Variants in PKIA observed in about 807,000 individuals in gnomAD.
PKIA encodes the protein cAMP-dependent protein kinase inhibitor alpha.
Under a neutral mutation model 7.6 loss-of-function variants are expected in PKIA, and 4 were observed. That is an observed-to-expected ratio of 0.52 (90% CI 0.26 to 1.20). The LOEUF (loss-of-function observed/expected upper bound fraction) is 1.20. Ranked by LOEUF, PKIA falls within the 50% of genes most tolerant of loss-of-function variation. The pLI is 0.13. For synonymous variants in PKIA, 21 were observed against 30.7 expected (o/e 0.68, Z 1.04); for missense variants, 73 against 86.2 (o/e 0.85, Z 0.61).
chr8:78,562,339 G>A (rs1173537792), intron 1 of PKIA, among the ~76,000 whole-genome samples: 2 of 152,054 alleles, frequency 1.3e-5, no homozygotes, highest in African/African-American at 4.8e-5. Context: ...TAGAGTCACA[G>A]CTATTTTATT....
At chr8:78,541,742 C>G (rs561894676) in intron 1 of PKIA, among the ~76,000 whole-genome samples, 2 of 151,660 alleles carry the variant, frequency 1.3e-5, no homozygotes, top group East Asian at 3.9e-4. Flanking sequence ...ATGCTCCTAA[C>G]AAAACAGCCC....
In PKIA at chr8:78,570,203, G is replaced by A. The variant is rs113518317; in HGVS notation, c.-156-2608G>A. On this transcript the variant is annotated intron_variant, in intron 1 of 3. Coordinates refer to ENST00000396418, the MANE Select transcript of PKIA (RefSeq NM_006823.4). ...AAGAACCTAAGCAAAACTCAAATAGGGTAGACACAAAGATATTCATGCCGA... is the reference window on the plus strand; with the variant it reads ...AAGAACCTAAGCAAAACTCAAATAGAGTAGACACAAAGATATTCATGCCGA... Among the ~76,000 whole-genome samples, 296 of 151,990 alleles carry A rather than the reference G, an allele frequency of 1.9e-3. 4 individuals carry two copies. The highest frequency in any genetic ancestry group is 6.8e-3 in the Middle Eastern group (2 of 294).
Position 78,551,220 on chromosome 8 carries a change from T to A in PKIA, c.-156-21591T>A, listed in dbSNP as rs369790931. Reference sequence around the variant, plus strand: ...TGGTAATATGAATGCTATAAAGGAATATGATCAGAGACATGTTCCTGGAGG... The same window carrying A: ...TGGTAATATGAATGCTATAAAGGAAAATGATCAGAGACATGTTCCTGGAGG... On this transcript the variant is annotated intron_variant, in intron 1 of 3. Coordinates refer to ENST00000396418, the MANE Select transcript of PKIA (RefSeq NM_006823.4). 3.9e-5 allele frequency among the ~76,000 whole-genome samples: 6 copies of A among 152,054 alleles called. No individual in the cohort carries two copies. The South Asian group carries it at 6.2e-4, about 16-fold the overall frequency.
chr8:78,519,207 T>C (rs1254135813), intron 1 of PKIA, among the ~76,000 whole-genome samples: 1 of 151,992 alleles, frequency 6.6e-6, no homozygotes, highest in Non-Finnish European at 1.5e-5. Context: ...TTTTGTCTGC[T>C]AGACAGTGTT....
chr8:78,591,452 C>T (rs1477979087), intron 2 of PKIA, among the ~76,000 whole-genome samples: 1 of 152,036 alleles, frequency 6.6e-6, no homozygotes, highest in African/African-American at 2.4e-5. Context: ...TTTTGAAATC[C>T]ATTATATAAA....
At chr8:78,533,820 T>C (rs902340628) in intron 1 of PKIA, 8 of 152,140 alleles carry the variant, frequency 5.3e-5, no homozygotes, top group African/African-American at 1.9e-4. Flanking sequence ...CAAGACCCTG[T>C]ATCTAAACCA....
At chr8:78,518,491 A>T (rs558724330) in intron 1 of PKIA, among the ~76,000 whole-genome samples, 86 of 152,306 alleles carry the variant, frequency 5.6e-4, no homozygotes, top group African/African-American at 2.0e-3. Flanking sequence ...AATGAATTTT[A>T]ATATAGTTAT....
At chr8:78,598,930 G>C (rs1808293064) in intron 3 of PKIA, among the ~76,000 whole-genome samples, 1 of 151,990 alleles carries the variant, frequency 6.6e-6, no homozygotes, top group Non-Finnish European at 1.5e-5. Context: ...AGATTCACAG[G>C]TAATTCTGAT....
chr8:78,579,093 A>G (rs1807744554), intron 2 of PKIA, among the ~76,000 whole-genome samples: 1 of 152,004 alleles, frequency 6.6e-6, no homozygotes, highest in Admixed American at 6.6e-5. Context: ...CATGTAGTCC[A>G]TAAGAAACTC....
intron 1 of PKIA, among the ~76,000 whole-genome samples, chr8:78,518,444 T>C (rs1809356213): frequency 1.3e-5 from 2 of 152,188 alleles, no homozygotes; most frequent in African/African-American, 2.4e-5. Context: ...CTTAACCATA[T>C]ACATCATTAT....
intron 1 of PKIA, among the ~76,000 whole-genome samples, chr8:78,545,335 G>A (rs1177929838): frequency 6.6e-6 from 1 of 152,016 alleles, no homozygotes; most frequent in Non-Finnish European, 1.5e-5. Context: ...GGCTGAGATA[G>A]AAATACCATT....
intron 2 of PKIA, among the ~76,000 whole-genome samples, chr8:78,573,904 G>A (rs1807614359): frequency 6.6e-6 from 1 of 151,894 alleles, no homozygotes; most frequent in South Asian, 2.1e-4. Context: ...ATTTGCCAAG[G>A]TCTGTGACAG....
chr8:78,582,524 T>TATGGAATTACA (rs1323854387), intron 2 of PKIA, among the ~76,000 whole-genome samples: 1 of 152,062 alleles, frequency 6.6e-6, no homozygotes, highest in Non-Finnish European at 1.5e-5. Context: ...ACGTGAGGAT[T>TATGGAATTACA]ATGGAATTAC....
At chr8:78,581,154 T>C (rs1176446994) in intron 2 of PKIA, among the ~76,000 whole-genome samples, 1 of 151,982 alleles carries the variant, frequency 6.6e-6, no homozygotes, top group East Asian at 1.9e-4. Context: ...AAGATGACCC[T>C]AGAACATATT....
chr8:78,580,908 G>A (rs917765042), intron 2 of PKIA, among the ~76,000 whole-genome samples: 1 of 151,986 alleles, frequency 6.6e-6, no homozygotes, highest in Non-Finnish European at 1.5e-5. Flanking sequence ...TAGATGTAAG[G>A]TATATATGTG....
At chr8:78,583,915 T>C (rs1471349114) in intron 2 of PKIA, among the ~76,000 whole-genome samples, 1 of 152,110 alleles carries the variant, frequency 6.6e-6, no homozygotes, top group African/African-American at 2.4e-5. Flanking sequence ...ATGGGCTAAT[T>C]GAAGTCCCAG....
chr8:78,595,600 A>G (rs1316818967), intron 2 of PKIA, among the ~76,000 whole-genome samples: 2 of 152,136 alleles, frequency 1.3e-5, no homozygotes, highest in Non-Finnish European at 2.9e-5. Context: ...CCATCCTCAA[A>G]TAGGCCCTGG....
chr8:78,562,003 G>C (rs530984854), intron 1 of PKIA, among the ~76,000 whole-genome samples: 1 of 152,210 alleles, frequency 6.6e-6, no homozygotes, highest in Admixed American at 6.5e-5. Context: ...CAACAGCAGA[G>C]TAATCACCCT....
intron 2 of PKIA, among the ~76,000 whole-genome samples, chr8:78,590,771 T>C (rs890963577): frequency 3.9e-5 from 6 of 152,140 alleles, no homozygotes; most frequent in Non-Finnish European, 8.8e-5. Context: ...TTTTTCTAAT[T>C]TCCCATATGT....
Sources: gnomAD v4.1 joint callset for allele counts (sites outside exome capture counted in the v4.1 genomes callset) on GRCh38, gnomAD v4.1.1 for gene constraint, MANE v1.5 for transcripts, NCBI Gene and HGNC (gene_info 2026-07-23, HGNC 2026-07-21) for gene names.